The following SUCLA2 variants were observed in gnomAD, a reference collection of about 807,000 sequenced individuals.
SUCLA2 encodes succinate--CoA ligase [ADP-forming] subunit beta, mitochondrial.
A neutral mutation model predicts 54.8 loss-of-function variants in SUCLA2; 30 were observed. The observed-to-expected ratio is 0.55, with a 90% CI of 0.41 to 0.74. The LOEUF (loss-of-function observed/expected upper bound fraction) is 0.74, where lower values mean the gene tolerates loss of function less well. Ranked by LOEUF, SUCLA2 falls within the 30% of genes least tolerant of loss-of-function variation. The pLI, the probability that SUCLA2 is intolerant of heterozygous loss-of-function variation, is 0.00. For missense variants in SUCLA2, 476 were observed against 562.9 expected (o/e 0.85, Z 1.56); for synonymous variants, 172 against 188.9 (o/e 0.91, Z 0.74).
chr13:47,943,253 C>A lies in SUCLA2; in HGVS notation c.*118G>T. The A allele has an allele frequency of 2.0e-6, 2 of 986,850 alleles. No individual in the cohort carries two copies. Among genetic ancestry groups the A allele is most frequent in the South Asian group, 2.6e-5 (2 of 77,630 alleles). The allele number at this position is 986,850 out of a possible 1,614,324, so 61.1% of individuals were successfully genotyped here. ...CCAAATCCTTTTAAATGTTTGTGTGCCTAGATGGCAATTACAATCTCCACA... is the reference window on the plus strand; with the variant it reads ...CCAAATCCTTTTAAATGTTTGTGTGACTAGATGGCAATTACAATCTCCACA... On this transcript the variant is annotated 3_prime_UTR_variant, in exon 11 of 11. Transcript: ENST00000646932.
chr13:47,956,366 G>GA (rs796981015), intron 6 of SUCLA2, among the ~76,000 whole-genome samples: 4 of 149,544 alleles, frequency 2.7e-5, no homozygotes, highest in Admixed American at 2.7e-4. Context: ...TCTGCAGGAA[G>GA]AAAAAAAAAG....
intron 4 of SUCLA2, among the ~76,000 whole-genome samples, chr13:47,986,670 A>C (rs1950107196): frequency 6.6e-6 from 1 of 152,140 alleles, no homozygotes. Context: ...TAGAGTTTTT[A>C]TAGTTTTGAG....
At chr13:47,993,670 A>G (rs1950167830) in intron 2 of SUCLA2, among the ~76,000 whole-genome samples, 1 of 152,194 alleles carries the variant, frequency 6.6e-6, no homozygotes, top group Non-Finnish European at 1.5e-5. Flanking sequence ...GGAAGAAACA[A>G]TAGTTTGGCA....
In SUCLA2 at chr13:47,988,657, AT is replaced by A; in HGVS notation, c.417del (p.Lys139AsnfsTer33). 1 of 1,613,880 alleles carries A rather than the reference AT, an allele frequency of 6.2e-7. No homozygotes were observed. Among genetic ancestry groups the A allele is most frequent in the South Asian group, 1.1e-5 (1 of 91,070 alleles). On this transcript the variant is annotated frameshift_variant, in exon 4 of 11. Coordinates refer to ENST00000646932, the MANE Select transcript of SUCLA2 (RefSeq NM_003850.3). LOFTEE classifies it high-confidence loss of function. ...TTTTCTCCCGTTTGCTTGGTAAACA[AT>A]TTTTTCCCAATCATTTGTGAAGAAA... ...KAVSSQMIGK[K>X]LFTKQTGEKG...
rs141300290 is a variant in SUCLA2 at position 47,963,752 on chromosome 13, T to A, written c.802+4843A>T. On this transcript the variant is annotated intron_variant, in intron 6 of 10. Transcript: ENST00000646932. ...CACACACATACTTCTTGGTTCTGTT[T>A]GTTGAAAAGGCCTGGAAGCAATGAC... 1.2e-4 allele frequency among the ~76,000 whole-genome samples: 18 copies of A among 152,304 alleles called. No homozygotes were observed. In the East Asian group the frequency reaches 3.3e-3, roughly 28 times the overall value.
intron 10 of SUCLA2, among the ~76,000 whole-genome samples, chr13:47,943,762 G>GTATATATATATA (rs1419922780): frequency 7.5e-6 from 1 of 133,372 alleles, no homozygotes; most frequent in South Asian, 2.5e-4. Flanking sequence ...GTGTGTGTGT[G>GTATATATATATA]TGTGTATATA....
intron 10 of SUCLA2, among the ~76,000 whole-genome samples, chr13:47,948,034 T>G (rs541439975): frequency 2.0e-5 from 3 of 152,302 alleles, no homozygotes; most frequent in African/African-American, 7.2e-5. Flanking sequence ...TTATAAAACA[T>G]AACCATAATA....
intron 4 of SUCLA2, among the ~76,000 whole-genome samples, chr13:47,973,986 T>G (rs1486192477): frequency 6.6e-6 from 1 of 151,940 alleles, no homozygotes; most frequent in Non-Finnish European, 1.5e-5. Flanking sequence ...ATACTTAATG[T>G]AGATGACAGG....
chr13:47,991,399 T>TC lies in SUCLA2; in HGVS notation c.272-2419dup. 1.3e-5 allele frequency: 2 copies of TC among 152,346 alleles called. 1 individual carries two copies. Among genetic ancestry groups the TC allele is most frequent in the South Asian group, 4.1e-4 (2 of 4,830 alleles). The allele number at this position is 152,346 out of a possible 1,614,324, so 9.4% of individuals were successfully genotyped here. A position where few individuals can be genotyped will look rare whatever the true frequency, so the allele number is the denominator to read the frequency against. ...TGCCTAGAATACTCTTCACCAGGTG[T>TC]CCATGTGGGAAAAGCCCCCGATCCT... On this transcript the variant is annotated intron_variant, in intron 2 of 10. Coordinates refer to ENST00000646932, the MANE Select transcript of SUCLA2 (RefSeq NM_003850.3).
rs369745940 is a variant in SUCLA2, at chr13:47,943,325, G to A, written c.*46C>T. On this transcript the variant is annotated 3_prime_UTR_variant, in exon 11 of 11. Transcript: ENST00000646932. ...TAACACAGAACACAGTATTCTTAAT[G>A]ATTATAGCACATTTAACACCTTCAG... 397 of 1,545,830 alleles carry A rather than the reference G, an allele frequency of 2.6e-4. 1 individual carries two copies. Among genetic ancestry groups the A allele is most frequent in the Middle Eastern group, 5.3e-4 (3 of 5,702 alleles).
rs1437089958 is a variant in SUCLA2, at chr13:47,996,965, T to C, written c.149A>G (p.Gln50Arg). 1.2e-6 allele frequency: 2 copies of C among 1,614,144 alleles called. No homozygotes were observed. Among genetic ancestry groups the C allele is most frequent in the South Asian group, 1.1e-5 (1 of 91,088 alleles). The change falls in exon 2 of 11, where the codon CAA (glutamine) becomes CGA (arginine). Residue 50 changes from glutamine to arginine, a missense_variant. Gln to Arg is a conservative substitution (Grantham distance 43). Around this residue, in one of 2 missense-constraint regions of SUCLA2, gnomAD observed 134 missense variants for 118.7 expected, o/e 1.13. Transcript: ENST00000646932. Reference sequence around the variant, plus strand: ...GTATTCATGTAGTGAGAGATTCCTTTGCTGTTGCTGCTGTACTTGGAGTCC... The same window carrying C: ...GTATTCATGTAGTGAGAGATTCCTTCGCTGTTGCTGCTGTACTTGGAGTCC... The part of the protein sequence containing the change: ...NHGLQVQQQQ[Q>R]RNLSLHEYMS...
chr13:47,964,961 T>C (rs147159801), intron 6 of SUCLA2, among the ~76,000 whole-genome samples: 2 of 138,760 alleles, frequency 1.4e-5, no homozygotes, highest in African/African-American at 2.7e-5. Context: ...ATTATAATTT[T>C]ATTTATAATT....
At chr13:47,947,718 G>A (rs185009020) in intron 10 of SUCLA2, among the ~76,000 whole-genome samples, 66 of 152,202 alleles carry the variant, frequency 4.3e-4, no homozygotes, top group African/African-American at 1.5e-3. Flanking sequence ...CCTACAGACT[G>A]AACTCCCAGT....
chr13:47,969,202 T>C (rs1022171162), intron 5 of SUCLA2, among the ~76,000 whole-genome samples: 1 of 152,168 alleles, frequency 6.6e-6, no homozygotes, highest in African/African-American at 2.4e-5. Context: ...TGAAACCCCA[T>C]CTCTACTAAA....
chr13:47,968,335 G>A (rs372805152), intron 6 of SUCLA2, among the ~76,000 whole-genome samples: 53 of 152,180 alleles, frequency 3.5e-4, no homozygotes, highest in Middle Eastern at 3.4e-3. Flanking sequence ...TCACTGTATT[G>A]GACAGTACAG....
chr13:47,966,016 C>G (rs1222305242), intron 6 of SUCLA2, among the ~76,000 whole-genome samples: 2 of 152,132 alleles, frequency 1.3e-5, no homozygotes, highest in African/African-American at 4.8e-5. Flanking sequence ...CCACTGCACT[C>G]CAGCCTGGGC....
intron 5 of SUCLA2, among the ~76,000 whole-genome samples, chr13:47,972,931 A>G (rs1439884984): frequency 6.6e-6 from 1 of 151,216 alleles, no homozygotes; most frequent in Non-Finnish European, 1.5e-5. Context: ...TTGTATTTTT[A>G]GTAGAGACGG....
intron 5 of SUCLA2, 140 bp downstream of exon 5, chr13:47,973,124 G>A (rs1169643067): frequency 4.3e-6 from 3 of 702,044 alleles, no homozygotes; most frequent in South Asian, 1.7e-5. Context: ...TCCAAAATGA[G>A]CTATTTCAAA....
chr13:47,976,445 A>T (rs1302537831), intron 4 of SUCLA2, among the ~76,000 whole-genome samples: 1 of 152,174 alleles, frequency 6.6e-6, no homozygotes, highest in African/African-American at 2.4e-5. Flanking sequence ...AGTAGAACAC[A>T]TGTTCAACAT....
Sources: gnomAD v4.1 joint callset for allele counts (sites outside exome capture counted in the v4.1 genomes callset) on GRCh38, gnomAD v4.1.1 for gene constraint, gnomAD v4.1.1 regional missense constraint, MANE v1.5 for transcripts, NCBI Gene and HGNC (gene_info 2026-07-23, HGNC 2026-07-21) for gene names.